The following DPH6 variants were observed in gnomAD, a reference collection of about 807,000 sequenced individuals.
The protein encoded by DPH6 is diphthamine biosynthesis 6.
In DPH6, 33 loss-of-function variants were observed where a neutral mutation model predicts 38.2. The observed-to-expected ratio is 0.86, with a 90% CI of 0.65 to 1.15. The LOEUF (loss-of-function observed/expected upper bound fraction) is 1.15. DPH6 is among the 50% of genes most tolerant of loss of function. The pLI, the probability that DPH6 is intolerant of heterozygous loss-of-function variation, is 0.00. For missense variants in DPH6, 325 were observed against 320.0 expected (o/e 1.02, Z -0.12); for synonymous variants, 108 against 103.0 (o/e 1.05, Z -0.30).
intron 3 of DPH6, chr15:35,298,540 A>G: frequency 3.8e-6 from 3 of 782,028 alleles, no homozygotes; most frequent in Non-Finnish European, 7.1e-6. Flanking sequence ...GGACCACTTT[A>G]TTAAGACACT....
intron 3 of DPH6, among the ~76,000 whole-genome samples, chr15:35,357,059 C>T (rs1310030685): frequency 3.3e-5 from 5 of 152,232 alleles, no homozygotes; most frequent in South Asian, 2.1e-4. Context: ...AGCGAGGCTC[C>T]GTGGGCGTAG....
At chr15:35,393,471 T>C (rs2053087105) in intron 6 of DPH6, among the ~76,000 whole-genome samples, 1 of 152,178 alleles carries the variant, frequency 6.6e-6, no homozygotes, top group African/African-American at 2.4e-5. Flanking sequence ...AATGGTTTTT[T>C]TGTTTGTTTG....
At chr15:35,246,386 C>A (rs938144896) in intron 3 of DPH6, among the ~76,000 whole-genome samples, 1 of 152,182 alleles carries the variant, frequency 6.6e-6, no homozygotes, top group East Asian at 1.9e-4. Flanking sequence ...TGTTTTTCCA[C>A]ATATTCTTAC....
intron 3 of DPH6, among the ~76,000 whole-genome samples, chr15:35,315,317 T>C (rs975544515): frequency 2.6e-5 from 4 of 152,248 alleles, no homozygotes; most frequent in Admixed American, 6.5e-5. Flanking sequence ...CAAGAGTTTG[T>C]TGAATCCTAA....
At chr15:35,400,721 G>T in intron 6 of DPH6, 1 of 720,870 alleles carries the variant, frequency 1.4e-6, no homozygotes, top group South Asian at 1.5e-5. Flanking sequence ...AAAAGGGCCT[G>T]AACAGCTGAG....
downstream of DPH6, among the ~76,000 whole-genome samples, chr15:35,326,561 AG>A (rs1406408177): frequency 6.6e-6 from 1 of 152,074 alleles, no homozygotes; most frequent in African/African-American, 2.4e-5. Context: ...CATCCTGAGT[AG>A]TAGGGACTAC....
chr15:35,405,099 C>T (rs924412892), intron 6 of DPH6, among the ~76,000 whole-genome samples: 2 of 152,022 alleles, frequency 1.3e-5, no homozygotes. Flanking sequence ...GTTTTTAGGC[C>T]AGTACCATGC....
chr15:35,432,425 A>G (rs926083500), intron 5 of DPH6, among the ~76,000 whole-genome samples: 3 of 152,178 alleles, frequency 2.0e-5, no homozygotes, highest in African/African-American at 7.2e-5. Context: ...AGTTCCTACC[A>G]GAAATTAACC....
chr15:35,146,832 C>T, the DPH6 span, among the ~76,000 whole-genome samples: 1 of 152,052 alleles, frequency 6.6e-6, no homozygotes, highest in Non-Finnish European at 1.5e-5. Flanking sequence ...CTACCATGAC[C>T]TTATCACCCA....
chr15:35,507,911 G>GTATATATGTA (rs1450305883), intron 3 of DPH6, among the ~76,000 whole-genome samples: 19 of 151,976 alleles, frequency 1.3e-4, no homozygotes, highest in African/African-American at 4.1e-4. Flanking sequence ...ACATATACAT[G>GTATATATGTA]TATATGTATA....
intron 6 of DPH6, among the ~76,000 whole-genome samples, chr15:35,397,977 T>C (rs1053173152): frequency 1.3e-5 from 2 of 150,998 alleles, no homozygotes; most frequent in African/African-American, 2.4e-5. Context: ...AATTAGAGCA[T>C]GCTATCTCCT....
At chr15:35,315,153 A>G (rs2052178006) in intron 3 of DPH6, among the ~76,000 whole-genome samples, 1 of 152,120 alleles carries the variant, frequency 6.6e-6, no homozygotes. Flanking sequence ...CACAACCAAC[A>G]CTTCAAAAGT....
At chr15:35,241,649 T>TC (rs1255771915) in intron 3 of DPH6, among the ~76,000 whole-genome samples, 1 of 141,572 alleles carries the variant, frequency 7.1e-6, no homozygotes, top group Non-Finnish European at 1.5e-5. Flanking sequence ...CCTCTTGTAT[T>TC]CCCCCACCTT....
At chr15:35,419,225 C>T (rs1453413191) in intron 5 of DPH6, among the ~76,000 whole-genome samples, 1 of 151,904 alleles carries the variant, frequency 6.6e-6, no homozygotes, top group African/African-American at 2.4e-5. Context: ...ACTGAACACA[C>T]CATTATTCTA....
At chr15:35,481,547 C>T (rs2141150149) in intron 3 of DPH6, among the ~76,000 whole-genome samples, 1 of 152,136 alleles carries the variant, frequency 6.6e-6, no homozygotes, top group South Asian at 2.1e-4. Flanking sequence ...TGAATATTGA[C>T]TGGATATGTA....
chr15:35,389,422 T>A (rs2053020138), intron 6 of DPH6, among the ~76,000 whole-genome samples: 1 of 152,198 alleles, frequency 6.6e-6, no homozygotes, highest in Admixed American at 6.5e-5. Context: ...CATTGATCTG[T>A]CTAATGTTGA....
At chr15:35,536,840 T>C (rs1185648421) in intron 3 of DPH6, among the ~76,000 whole-genome samples, 2 of 152,096 alleles carry the variant, frequency 1.3e-5, no homozygotes, top group African/African-American at 4.8e-5. Flanking sequence ...TTGCACCCTT[T>C]TGGAGATATG....
At chr15:35,149,414 T>C in the DPH6 span, among the ~76,000 whole-genome samples, 4 of 152,170 alleles carry the variant, frequency 2.6e-5, no homozygotes, top group African/African-American at 9.7e-5. Flanking sequence ...ATTTTTTGTA[T>C]TTTTAGTAGA....
the DPH6 span, among the ~76,000 whole-genome samples, chr15:35,180,392 A>AAC: frequency 2.6e-3 from 364 of 140,582 alleles, 2 homozygotes; most frequent in South Asian, 8.2e-3. Flanking sequence ...TTGGTTTTAA[A>AAC]ACACACACAC....
Sources: allele counts gnomAD v4.1 joint callset (sites outside exome capture counted in the v4.1 genomes callset), GRCh38; gene constraint gnomAD v4.1.1; transcripts MANE v1.5; gene names NCBI Gene and HGNC (gene_info 2026-07-23, HGNC 2026-07-21).